Variants in PIM1 observed in about 807,000 individuals in gnomAD.
PIM1 encodes the protein serine/threonine-protein kinase pim-1.
A neutral mutation model predicts 34.5 loss-of-function variants in PIM1; 9 were observed. That is an observed-to-expected ratio of 0.26 (90% CI 0.16 to 0.46). The LOEUF (loss-of-function observed/expected upper bound fraction) is 0.46. Among genes scored for constraint, PIM1 ranks in the 20% least tolerant of loss-of-function variants. PIM1 has a pLI of 1.00. For missense variants in PIM1, 274 were observed against 410.9 expected, an observed-to-expected ratio of 0.67 and a Z score of 2.88; for synonymous variants, 199 against 175.2, an observed-to-expected ratio of 1.14 and a Z score of -1.07.
At position 37,175,058 on chromosome 6, in the gene PIM1, C is replaced by G. The variant is rs945945097; in HGVS notation, c.*967C>G. On this transcript the variant is annotated 3_prime_UTR_variant, in exon 6 of 6. Coordinates refer to ENST00000373509, the MANE Select transcript of PIM1 (RefSeq NM_002648.4). The stretch of plus-strand genomic sequence containing the variant: ...CTTCCATAGCTGCTGCCCTAGTTTT[C>G]TTTCCTCCTTTCCTCCTCTGACTTG... 5 of 233,382 alleles carry G rather than the reference C, an allele frequency of 2.1e-5. No individual in the cohort carries two copies. The highest frequency in any genetic ancestry group is 1.1e-4 in the African/African-American group (5 of 45,298). The allele number at this position is 233,382 out of a possible 1,614,324, so 14.5% of individuals were successfully genotyped here. A position where few individuals can be genotyped will look rare whatever the true frequency, so the allele number is the denominator to read the frequency against.
At position 37,172,792 on chromosome 6, in the gene PIM1, G is replaced by A. The variant is rs1384233802; in HGVS notation, c.608-204G>A. On this transcript the variant is annotated intron_variant, in intron 4 of 5. Transcript: ENST00000373509. ...TCAGTTTATGGTTTGGGCTAGCAGA[G>A]AGGTGGGTAATGCTTTGGGTTGGAG... 3 of 686,040 alleles carry A rather than the reference G, an allele frequency of 4.4e-6. No homozygotes were observed. In the Admixed American group the frequency reaches 6.1e-5, roughly 14 times the overall value. 42.5% of individuals were successfully genotyped at this position (686,040 alleles called of 1,614,324 possible).
chr6:37,171,526 C>T, intron 4 of PIM1, 35 bp downstream of exon 4: 1 of 1,603,850 alleles, frequency 6.2e-7, no homozygotes, highest in Middle Eastern at 1.7e-4. Flanking sequence ...GCCCAGGTGA[C>T]TCGGCCCGGC....
In PIM1 at chr6:37,172,908, T is replaced by TAA. The variant is rs377413008; in HGVS notation, c.608-85_608-84dup. ...TGAGAGAAGGGATTTTTTTTTTTTT[T>TAA]AAAAGAAAGAGTTATATATACCACC... On this transcript the variant is annotated intron_variant, in intron 4 of 5. Transcript: ENST00000373509. 7.3e-4 allele frequency: 762 copies of TAA among 1,045,428 alleles called. 2 individuals carry two copies. The African/African-American group carries it at 9.2e-3, about 13-fold the overall frequency. 64.8% of individuals were successfully genotyped at this position (1,045,428 alleles called of 1,614,324 possible).
In PIM1 at chr6:37,174,991, G is replaced by GTATT. The variant is rs750512911; in HGVS notation, c.*918_*921dup. On this transcript the variant is annotated 3_prime_UTR_variant, in exon 6 of 6. Coordinates refer to ENST00000373509, the MANE Select transcript of PIM1 (RefSeq NM_002648.4). ...ATTCTAACCTGGAGGTCAATGTTAT[G>GTATT]TATTTATTTATTTATTTATTTGGTT... 11 of 233,516 alleles carry GTATT rather than the reference G, an allele frequency of 4.7e-5. No individual in the cohort carries two copies. The highest frequency in any genetic ancestry group is 7.6e-5 in the Non-Finnish European group (9 of 118,046). 14.5% of individuals were successfully genotyped at this position (233,516 alleles called of 1,614,324 possible).
chr6:37,171,037 T>A lies in PIM1; in HGVS notation c.240+6T>A, dbSNP rs759538451. ...TTTCCGACTGGGGAGAGCTGGTGAG[T>A]GCCCTGCAGGAGCGACCCCCAGGAT... On this transcript the variant is annotated splice_donor_region_variant and intron_variant, in intron 3 of 5. Transcript: ENST00000373509. 6.2e-7 allele frequency: 1 copy of A among 1,613,646 alleles called. No individual in the cohort carries two copies. Among genetic ancestry groups the A allele is most frequent in the East Asian group, 2.2e-5 (1 of 44,850 alleles).
chr6:37,170,232 G>C lies in PIM1; in HGVS notation c.-344G>C. 8.3e-7 allele frequency: 1 copy of C among 1,199,456 alleles called. No homozygotes were observed. The highest frequency in any genetic ancestry group is 1.0e-6 in the Non-Finnish European group (1 of 957,536). The allele number at this position is 1,199,456 out of a possible 1,614,324, so 74.3% of individuals were successfully genotyped here. A position where few individuals can be genotyped will look rare whatever the true frequency, so the allele number is the denominator to read the frequency against. On this transcript the variant is annotated 5_prime_UTR_variant, in exon 1 of 6. Transcript: ENST00000373509. ...AGGCCCGAGAGGAGTCGGTGGCAGC[G>C]GCGGCGGCGGGACCGGCAGCAGCAG...
intron 4 of PIM1, 42 bp downstream of exon 4, chr6:37,171,533 C>A (rs1762286002): frequency 6.3e-7 from 1 of 1,594,354 alleles, no homozygotes; most frequent in African/African-American, 1.3e-5. Flanking sequence ...TGACTCGGCC[C>A]GGCCCGGCCC....
chr6:37,172,565 C>T (rs925783739), intron 4 of PIM1: 5 of 456,014 alleles, frequency 1.1e-5, no homozygotes, highest in African/African-American at 2.0e-5. Flanking sequence ...AGCATCCTTG[C>T]TTGGATCCTG....
At chr6:37,172,845 C>G (rs778767955) in intron 4 of PIM1, 151 bp from the exon 5 acceptor site, 39 of 744,692 alleles carry the variant, frequency 5.2e-5, no homozygotes, top group Middle Eastern at 2.3e-4. Context: ...CCTCCACTCT[C>G]CTTAGCCCAG....
chr6:37,172,049 G>A (rs904412510), intron 4 of PIM1, among the ~76,000 whole-genome samples: 1 of 151,878 alleles, frequency 6.6e-6, no homozygotes, highest in Non-Finnish European at 1.5e-5. Flanking sequence ...AAGATCTGTC[G>A]CTGGTTTGAA....
rs975078649 is a variant in PIM1, at chr6:37,174,541, G to A, written c.*450G>A. On this transcript the variant is annotated 3_prime_UTR_variant, in exon 6 of 6. Transcript: ENST00000373509. The stretch of plus-strand genomic sequence containing the variant: ...TTCCGACTCTTTCTGAGTGCCTTCT[G>A]TGGGGACTCCGGCTGTGCTGGGAGA... The A allele has an allele frequency of 9.8e-5, 23 of 234,886 alleles. No homozygotes were observed. The highest frequency in any genetic ancestry group is 1.8e-4 in the Non-Finnish European group (21 of 118,834). The allele number at this position is 234,886 out of a possible 1,614,324, so 14.6% of individuals were successfully genotyped here. A position where few individuals can be genotyped will look rare whatever the true frequency, so the allele number is the denominator to read the frequency against.
In PIM1 at chr6:37,171,088, C is replaced by T. The variant is rs1253130937; in HGVS notation, c.241-37C>T. The T allele has an allele frequency of 2.5e-6, 4 of 1,613,704 alleles. No homozygotes were observed. In the South Asian group the frequency reaches 4.4e-5, roughly 18 times the overall value. On this transcript the variant is annotated intron_variant, in intron 3 of 5. Coordinates refer to ENST00000373509, the MANE Select transcript of PIM1 (RefSeq NM_002648.4). ...GAGTGGGTGGGGTGAGGGGCGCCCC[C>T]GACTCCCGCCCTAACGCGGCCCCCT... is the stretch of plus-strand genomic sequence containing the variant.
At position 37,171,239 on chromosome 6, in the gene PIM1, A is replaced by C; in HGVS notation, c.355A>C (p.Ile119Leu). ...WFERPDSFVLILERPEPVQDL... is the reference protein window; with the variant it reads ...WFERPDSFVLLLERPEPVQDL... ...CGAGAGGCCCGACAGTTTCGTCCTG[A>C]TCCTGGAGAGGCCCGAGCCGGTGCA... is the stretch of plus-strand genomic sequence containing the variant. The change falls in exon 4 of 6, where the codon ATC becomes CTC. Residue 119 changes from isoleucine to leucine, a missense_variant. Physicochemically the swap from Ile to Leu is conservative, Grantham distance 5. Coordinates refer to ENST00000373509, the MANE Select transcript of PIM1 (RefSeq NM_002648.4). The C allele has an allele frequency of 6.2e-7, 1 of 1,613,962 alleles. No homozygotes were observed. The highest frequency in any genetic ancestry group is 8.5e-7 in the Non-Finnish European group (1 of 1,180,020).
Position 37,174,895 on chromosome 6 carries a change from G to C in PIM1, c.*804G>C. ...GGTAGTATACAAAAAGATTGTAGTG[G>C]ATCTAATTTTTAAGAAATTTTGCCT... is the stretch of plus-strand genomic sequence containing the variant. On this transcript the variant is annotated 3_prime_UTR_variant, in exon 6 of 6. Coordinates refer to ENST00000373509, the MANE Select transcript of PIM1 (RefSeq NM_002648.4). 4.3e-6 allele frequency: 1 copy of C among 233,700 alleles called. No individual in the cohort carries two copies. Among genetic ancestry groups the C allele is most frequent in the East Asian group, 6.0e-5 (1 of 16,592 alleles). 14.5% of individuals were successfully genotyped at this position (233,700 alleles called of 1,614,324 possible).
chr6:37,170,555 G>A lies in PIM1; in HGVS notation c.-21G>A. On this transcript the variant is annotated 5_prime_UTR_variant, in exon 1 of 6. Transcript: ENST00000373509. ...CAGCTCCTCTGGGCACCGTCCCTGC[G>A]CCGACATCCTGGAGGTTGGGATGCT... 1 of 1,612,382 alleles carries A rather than the reference G, an allele frequency of 6.2e-7. No individual in the cohort carries two copies. The highest frequency in any genetic ancestry group is 8.5e-7 in the Non-Finnish European group (1 of 1,179,556).
In PIM1 at chr6:37,174,251, AG is replaced by A; in HGVS notation, c.*162del. 1 of 693,870 alleles carries A rather than the reference AG, an allele frequency of 1.4e-6. No individual in the cohort carries two copies. The highest frequency in any genetic ancestry group is 2.3e-6 in the Non-Finnish European group (1 of 429,998). The allele number at this position is 693,870 out of a possible 1,614,324, so 43.0% of individuals were successfully genotyped here. A position where few individuals can be genotyped will look rare whatever the true frequency, so the allele number is the denominator to read the frequency against. ...CTCATTCCAGATCCCAGGCCCCTGG[AG>A]GCTGCCTCCCAACAGTGGGGAAGAG... On this transcript the variant is annotated 3_prime_UTR_variant, in exon 6 of 6. Transcript: ENST00000373509.
intron 1 of PIM1, 22 bp from the exon 2 acceptor site, chr6:37,170,751 C>T (rs781248290): frequency 6.2e-7 from 1 of 1,610,444 alleles, no homozygotes; most frequent in Non-Finnish European, 8.5e-7. Context: ...GCACTGAGTC[C>T]CCGTGCTTCC....
intron 4 of PIM1, chr6:37,172,361 C>T (rs186614708): frequency 1.2e-5 from 4 of 340,340 alleles, no homozygotes; most frequent in African/African-American, 6.5e-5. Flanking sequence ...CCCTGGTGAG[C>T]ACCAGCGGCA....
In PIM1 at chr6:37,173,919, T is replaced by C. The variant is rs1360367973; in HGVS notation, c.785-15T>C. 6.2e-7 allele frequency: 1 copy of C among 1,606,306 alleles called. No homozygotes were observed. Among genetic ancestry groups the C allele is most frequent in the Non-Finnish European group, 8.5e-7 (1 of 1,175,988 alleles). Reference sequence around the variant, plus strand: ...GTTGAGTCATTCATAACCTCGTCTATCCTCCTTTCTGCAGAATGTCAGCAT... The same window carrying C: ...GTTGAGTCATTCATAACCTCGTCTACCCTCCTTTCTGCAGAATGTCAGCAT... On this transcript the variant is annotated splice_polypyrimidine_tract_variant and intron_variant, in intron 5 of 5. Coordinates refer to ENST00000373509, the MANE Select transcript of PIM1 (RefSeq NM_002648.4).
Sources: allele counts gnomAD v4.1 joint callset (sites outside exome capture counted in the v4.1 genomes callset), GRCh38; gene constraint gnomAD v4.1.1; transcripts MANE v1.5; gene names NCBI Gene and HGNC (gene_info 2026-07-23, HGNC 2026-07-21).